MACROD2: variants seen among roughly 807,000 people sequenced by gnomAD.
MACROD2 encodes mono-ADP ribosylhydrolase 2, also known as ADP-ribose glycohydrolase MACROD2.
Under a neutral mutation model 70.4 loss-of-function variants are expected in MACROD2, and 36 were observed. The ratio of observed to expected loss-of-function variants is 0.51; its 90% CI spans 0.39 to 0.68. The LOEUF (loss-of-function observed/expected upper bound fraction) is 0.68. Ranked by LOEUF, MACROD2 falls within the 30% of genes least tolerant of loss-of-function variation. The pLI is 0.00. For missense variants in MACROD2, 496 were observed against 538.4 expected (o/e 0.92, Z 0.78); for synonymous variants, 172 against 178.8 (o/e 0.96, Z 0.30).
intron 3 of MACROD2, among the ~76,000 whole-genome samples, chr20:14,251,459 A>T (rs146760616): frequency 6.6e-6 from 1 of 152,242 alleles, no homozygotes; most frequent in African/African-American, 2.4e-5. Flanking sequence ...AACTGAACAC[A>T]CCACACTTTC....
chr20:15,728,432 G>A (rs2050896233), intron 8 of MACROD2, among the ~76,000 whole-genome samples: 1 of 152,122 alleles, frequency 6.6e-6, no homozygotes, highest in African/African-American at 2.4e-5. Flanking sequence ...AGTTAGTGAG[G>A]AGTCTTTCCT....
At chr20:14,678,945 A>G (rs1476453351) in intron 4 of MACROD2, among the ~76,000 whole-genome samples, 1 of 151,474 alleles carries the variant, frequency 6.6e-6, no homozygotes, top group Non-Finnish European at 1.5e-5. Context: ...TTTCCTCAGT[A>G]TTATCAGAAA....
intron 10 of MACROD2, among the ~76,000 whole-genome samples, chr20:15,916,263 G>A (rs2065313311): frequency 6.6e-6 from 1 of 152,124 alleles, no homozygotes; most frequent in African/African-American, 2.4e-5. Flanking sequence ...CCCTTGCCAT[G>A]GGGGCTCTCT....
At position 14,202,905 on chromosome 20, in the gene MACROD2, G is replaced by A. The variant is rs145642110; in HGVS notation, c.271+117177G>A. On this transcript the variant is annotated intron_variant, in intron 3 of 17. Coordinates refer to ENST00000684519, the MANE Select transcript of MACROD2 (RefSeq NM_001351661.2). ...CTCTATTAAAAATACAAAATTACCC[G>A]GATGTGGTGGCACATGCCTGTAATC... Among the ~76,000 whole-genome samples the A allele has an allele frequency of 7.3e-3, 1,108 of 152,108 alleles. 18 individuals carry two copies. The highest frequency in any genetic ancestry group is 0.025 in the African/African-American group (1,017 of 41,500).
chr20:14,294,117 A>G (rs541508863), intron 3 of MACROD2, among the ~76,000 whole-genome samples: 50 of 151,938 alleles, frequency 3.3e-4, no homozygotes, highest in African/African-American at 1.1e-3. Flanking sequence ...AAACCAAATC[A>G]CTTTTAACCT....
intron 3 of MACROD2, among the ~76,000 whole-genome samples, chr20:14,465,341 G>T (rs2084431074): frequency 1.3e-5 from 2 of 152,048 alleles, no homozygotes; most frequent in South Asian, 4.2e-4. Flanking sequence ...TGTTTTGTCT[G>T]AGACTAGGAT....
intron 7 of MACROD2, among the ~76,000 whole-genome samples, chr20:15,432,027 C>T (rs1212250452): frequency 6.6e-6 from 1 of 151,952 alleles, no homozygotes; most frequent in Non-Finnish European, 1.5e-5. Context: ...CTAAAGCTCT[C>T]TAAATATTCT....
In MACROD2 at chr20:15,986,748, A is replaced by T. The variant is rs757513267; in HGVS notation, c.1007A>T (p.Lys336Met). The change falls in exon 14 of 18, where the codon AAG becomes ATG. Residue 336 changes from lysine to methionine, a missense_variant. Transcript: ENST00000684519. ...HPDGQENDST[K>M]NEIKIETESQ... ...ACAGGACAAGAGAATGATTCAACGA[A>T]GAATGAAATAAAAATTGAAACAGAA... is the stretch of plus-strand genomic sequence containing the variant. The T allele has an allele frequency of 5.0e-6, 8 of 1,613,440 alleles. No individual in the cohort carries two copies. The East Asian group carries it at 1.8e-4, about 36-fold the overall frequency.
At chr20:14,847,607 G>T (rs1242920069) in intron 5 of MACROD2, among the ~76,000 whole-genome samples, 2 of 149,936 alleles carry the variant, frequency 1.3e-5, no homozygotes, top group Non-Finnish European at 3.0e-5. Flanking sequence ...AAAGTAGAAT[G>T]ATTAGCATTT....
At chr20:14,976,287 G>GT (rs1236415135) in intron 5 of MACROD2, among the ~76,000 whole-genome samples, 1 of 152,154 alleles carries the variant, frequency 6.6e-6, no homozygotes, top group East Asian at 1.9e-4. Context: ...GGTGGTGCTG[G>GT]TTTCTTCTGA....
At chr20:15,751,883 T>C (rs2051276756) in intron 8 of MACROD2, among the ~76,000 whole-genome samples, 2 of 151,392 alleles carry the variant, frequency 1.3e-5, no homozygotes, top group Non-Finnish European at 3.0e-5. Context: ...CAGAGGTTTT[T>C]TTTTTCAGTC....
intron 5 of MACROD2, among the ~76,000 whole-genome samples, chr20:14,729,559 C>A (rs2071569479): frequency 6.6e-6 from 1 of 151,924 alleles, no homozygotes; most frequent in South Asian, 2.1e-4. Flanking sequence ...AGCCCAGGGC[C>A]CATGCAAGGT....
At chr20:14,452,167 T>C (rs548055510) in intron 3 of MACROD2, among the ~76,000 whole-genome samples, 5 of 152,228 alleles carry the variant, frequency 3.3e-5, no homozygotes, top group African/African-American at 1.2e-4. Context: ...TAATAATGAA[T>C]TTAGATTGTG....
At chr20:15,058,684 A>C (rs2075507185) in intron 5 of MACROD2, among the ~76,000 whole-genome samples, 1 of 152,212 alleles carries the variant, frequency 6.6e-6, no homozygotes, top group African/African-American at 2.4e-5. Context: ...CATGTCAAGC[A>C]CCTTTTCACA....
chr20:15,901,420 G>T (rs889310052), intron 10 of MACROD2, among the ~76,000 whole-genome samples: 1 of 152,140 alleles, frequency 6.6e-6, no homozygotes, highest in Non-Finnish European at 1.5e-5. Context: ...CTCTCGATGT[G>T]ATAGTCTTTC....
At chr20:15,700,320 G>A (rs1005175212) in intron 8 of MACROD2, among the ~76,000 whole-genome samples, 1 of 152,190 alleles carries the variant, frequency 6.6e-6, no homozygotes, top group East Asian at 1.9e-4. Context: ...AGAGAGATCC[G>A]GAGTCCCCGA....
chr20:15,586,376 T>A (rs2048601865), intron 8 of MACROD2, among the ~76,000 whole-genome samples: 1 of 152,214 alleles, frequency 6.6e-6, no homozygotes, highest in South Asian at 2.1e-4. Context: ...TTCACCATAA[T>A]CTCTTGAAAC....
At chr20:15,983,703 G>T (rs1046315679) in intron 13 of MACROD2, among the ~76,000 whole-genome samples, 3 of 152,168 alleles carry the variant, frequency 2.0e-5, no homozygotes, top group Admixed American at 1.3e-4. Context: ...TGGTCGACTG[G>T]AGGACCACCT....
chr20:15,044,640 T>C (rs978125861), intron 5 of MACROD2, among the ~76,000 whole-genome samples: 1 of 152,034 alleles, frequency 6.6e-6, no homozygotes, highest in Non-Finnish European at 1.5e-5. Flanking sequence ...AAAGGTGAGG[T>C]GTTTGCTTTT....
Sources: allele counts gnomAD v4.1 joint callset (sites outside exome capture counted in the v4.1 genomes callset), GRCh38; gene constraint gnomAD v4.1.1; transcripts MANE v1.5; gene names NCBI Gene and HGNC (gene_info 2026-07-23, HGNC 2026-07-21).